The following RBFOX1 variants were observed in gnomAD, a reference collection of about 807,000 sequenced individuals.
RBFOX1 encodes RNA binding fox-1 homolog 1, also known as RNA binding protein fox-1 homolog 1.
RBFOX1 carries 8 observed loss-of-function variants against 57.7 expected under a neutral mutation model. The observed-to-expected ratio is 0.14, with a 90% CI of 0.08 to 0.25. RBFOX1 has a LOEUF of 0.25. RBFOX1 is among the 10% of genes least tolerant of loss of function. RBFOX1 has a pLI of 1.00. For missense variants in RBFOX1, 611 were observed against 548.5 expected (o/e 1.11, Z -1.14); for synonymous variants, 326 against 222.4 (o/e 1.47, Z -4.15).
rs941899956 is a variant in RBFOX1 at position 6,719,949 on chromosome 16, C to T, written c.-16+65299C>T. Among the ~76,000 whole-genome samples the T allele has an allele frequency of 2.6e-5, 4 of 151,724 alleles. No homozygotes were observed. The East Asian group carries it at 5.9e-4, about 22-fold the overall frequency. Reference sequence around the variant, plus strand: ...CTCTACTAAAAATACAAGAAATTAGCCGGGGGTGATGGCAGGCGTCTATAA... The same window carrying T: ...CTCTACTAAAAATACAAGAAATTAGTCGGGGGTGATGGCAGGCGTCTATAA... On this transcript the variant is annotated intron_variant, in intron 3 of 15. Transcript: ENST00000550418.
chr16:5,984,682 G>A (rs1555462659), intron 4 of RBFOX1, among the ~76,000 whole-genome samples: 3 of 152,074 alleles, frequency 2.0e-5, no homozygotes, highest in African/African-American at 4.8e-5. Context: ...TCTGAGAAGT[G>A]CATCGTTAGG....
intron 5 of RBFOX1, among the ~76,000 whole-genome samples, chr16:7,569,363 T>C (rs7202746): frequency 0.56 from 85,167 of 151,924 alleles, 24,052 homozygotes; most frequent in East Asian, 0.67. Context: ...TCCTGGCCCC[T>C]GAAGGCCACT....
chr16:7,403,696 G>A (rs1362791895), intron 4 of RBFOX1, among the ~76,000 whole-genome samples: 1 of 151,462 alleles, frequency 6.6e-6, no homozygotes, highest in Non-Finnish European at 1.5e-5. Flanking sequence ...ACAGGCACCT[G>A]CCACTACTCC....
At chr16:5,924,310 A>T (rs2058897212) in intron 4 of RBFOX1, among the ~76,000 whole-genome samples, 1 of 152,078 alleles carries the variant, frequency 6.6e-6, no homozygotes, top group Non-Finnish European at 1.5e-5. Context: ...TATAATTTGG[A>T]TGTTTAACCC....
chr16:7,283,963 C>G (rs1052488850), intron 4 of RBFOX1, among the ~76,000 whole-genome samples: 3 of 152,198 alleles, frequency 2.0e-5, no homozygotes, highest in Non-Finnish European at 4.4e-5. Context: ...GCTCTAGATC[C>G]TGGGAATTGG....
chr16:6,842,587 T>C (rs553909477), intron 3 of RBFOX1, among the ~76,000 whole-genome samples: 1 of 152,054 alleles, frequency 6.6e-6, no homozygotes, highest in South Asian at 2.1e-4. Flanking sequence ...TGTATAGACA[T>C]ACTTAATTTA....
intron 3 of RBFOX1, among the ~76,000 whole-genome samples, chr16:6,691,101 T>C (rs933273176): frequency 2.6e-5 from 4 of 152,112 alleles, no homozygotes; most frequent in East Asian, 1.9e-4. Context: ...TTGAGAGATG[T>C]TGGGAAAAGT....
At chr16:6,642,317 T>C (rs2098498450) in intron 2 of RBFOX1, among the ~76,000 whole-genome samples, 1 of 152,188 alleles carries the variant, frequency 6.6e-6, no homozygotes, top group African/African-American at 2.4e-5. Context: ...TTACATCTAA[T>C]GTGGGTAATT....
chr16:7,290,065 C>G (rs373475083), intron 4 of RBFOX1, among the ~76,000 whole-genome samples: 1 of 152,202 alleles, frequency 6.6e-6, no homozygotes, highest in Non-Finnish European at 1.5e-5. Flanking sequence ...TGGCACACCA[C>G]TGTTTCTCAG....
chr16:7,416,330 C>T (rs2098477506), intron 4 of RBFOX1, among the ~76,000 whole-genome samples: 2 of 152,210 alleles, frequency 1.3e-5, no homozygotes, highest in South Asian at 2.1e-4. Context: ...TCAAAGCTTT[C>T]TGTTGATCCA....
At chr16:6,556,173 G>A (rs1232509480) in intron 2 of RBFOX1, among the ~76,000 whole-genome samples, 1 of 152,030 alleles carries the variant, frequency 6.6e-6, no homozygotes, top group Non-Finnish European at 1.5e-5. Context: ...TTATTTAAAC[G>A]TGGGCGGCAT....
At chr16:6,831,128 T>C (rs1285133865) in intron 3 of RBFOX1, among the ~76,000 whole-genome samples, 2 of 152,210 alleles carry the variant, frequency 1.3e-5, no homozygotes, top group African/African-American at 2.4e-5. Context: ...CTAAGGTTCA[T>C]TTTATTTGCA....
Position 6,844,845 on chromosome 16 carries a change from C to A in RBFOX1, c.-16+190195C>A, listed in dbSNP as rs117325407. On this transcript the variant is annotated intron_variant, in intron 3 of 15. Transcript: ENST00000550418. ...CTTTTTCTCCATAACCTTGCCAGCA[C>A]CTGTTTTTTAATATTTTTATTAGTA... Among the ~76,000 whole-genome samples the A allele has an allele frequency of 5.2e-3, 784 of 152,154 alleles. 24 individuals are homozygous for A. Among genetic ancestry groups the A allele is most frequent in the Admixed American group, 0.039 (596 of 15,288 alleles).
At position 6,172,586 on chromosome 16, in the gene RBFOX1, A is replaced by C. The variant is rs2096969610; in HGVS notation, c.-126-144409A>C. Among the ~76,000 whole-genome samples the C allele has an allele frequency of 6.6e-5, 10 of 152,124 alleles. No individual in the cohort carries two copies. In the South Asian group the frequency reaches 2.1e-3, roughly 31 times the overall value. ...CAGTCTAGAATAATGGATGTGATGC[A>C]GCCTCAGTGGTGGACTTCCTGAGTT... is the stretch of plus-strand genomic sequence containing the variant. On this transcript the variant is annotated intron_variant, in intron 1 of 15. Coordinates refer to ENST00000550418, the MANE Select transcript of RBFOX1 (RefSeq NM_018723.4).
chr16:7,209,312 G>A (rs1334539676), intron 4 of RBFOX1, among the ~76,000 whole-genome samples: 1 of 152,074 alleles, frequency 6.6e-6, no homozygotes, highest in Non-Finnish European at 1.5e-5. Flanking sequence ...TCCAGCGTAG[G>A]CGACAAGAGC....
At chr16:5,434,265 G>T (rs1336252937) in intron 1 of RBFOX1, among the ~76,000 whole-genome samples, 1 of 149,392 alleles carries the variant, frequency 6.7e-6, no homozygotes, top group Non-Finnish European at 1.5e-5. Flanking sequence ...ATATTCCCCT[G>T]GGCTTCCATC....
chr16:5,775,232 A>C (rs111924443), intron 3 of RBFOX1, among the ~76,000 whole-genome samples: 5,193 of 152,166 alleles, frequency 0.034, 289 homozygotes, highest in African/African-American at 0.12. Context: ...GTATCTCCTT[A>C]CTCAACCACC....
intron 4 of RBFOX1, among the ~76,000 whole-genome samples, chr16:7,379,948 G>A (rs2097759083): frequency 6.6e-6 from 1 of 152,076 alleles, no homozygotes; most frequent in Admixed American, 6.6e-5. Context: ...TTGGCCTCCT[G>A]GGTTCAAGCA....
At chr16:6,747,067 G>A (rs1413494925) in intron 3 of RBFOX1, among the ~76,000 whole-genome samples, 4 of 152,026 alleles carry the variant, frequency 2.6e-5, no homozygotes, top group African/African-American at 7.2e-5. Context: ...AACCCCTCAC[G>A]GTACCATAGC....
Sources: gnomAD v4.1 joint callset for allele counts (sites outside exome capture counted in the v4.1 genomes callset) on GRCh38, gnomAD v4.1.1 for gene constraint, MANE v1.5 for transcripts, NCBI Gene and HGNC (gene_info 2026-07-23, HGNC 2026-07-21) for gene names.